The following PPFIBP1 variants were observed in gnomAD, a reference collection of about 807,000 sequenced individuals.
The protein encoded by PPFIBP1 is liprin-beta-1.
Under a neutral mutation model 137.8 loss-of-function variants are expected in PPFIBP1, and 112 were observed. That is an observed-to-expected ratio of 0.81 (90% CI 0.70 to 0.95). The LOEUF (loss-of-function observed/expected upper bound fraction) is 0.95. Among genes scored for constraint, PPFIBP1 ranks in the 40% least tolerant of loss-of-function variants. The pLI, the probability that PPFIBP1 is intolerant of heterozygous loss-of-function variation, is 0.00. For synonymous variants in PPFIBP1, 378 were observed against 417.3 expected (o/e 0.91, Z 1.15); for missense variants, 1,083 against 1,196.6 (o/e 0.91, Z 1.40).
intron 4 of PPFIBP1, chr12:27,636,912 C>A (rs2057718557): frequency 6.6e-6 from 1 of 152,208 alleles, no homozygotes; most frequent in Non-Finnish European, 1.5e-5. Context: ...AGCCTTTGCA[C>A]TGGCTTTTCC....
intron 4 of PPFIBP1, 123 bp downstream of exon 4, chr12:27,635,238 A>G (rs535931609): frequency 3.5e-6 from 3 of 861,380 alleles, no homozygotes; most frequent in Admixed American, 5.2e-5. Flanking sequence ...CGATTTTATT[A>G]CTTAAGATAT....
rs768581036 is a variant in PPFIBP1 at position 27,679,644 on chromosome 12, G to C, written c.1766+5G>C. On this transcript the variant is annotated splice_donor_5th_base_variant and intron_variant, in intron 20 of 29. Coordinates refer to ENST00000228425, the MANE Select transcript of PPFIBP1 (RefSeq NM_003622.4). ...TATCATGAAACTCTTTGGAAAGTAA[G>C]TAAAGCAGTAAACAAGTGGAATGGG... 1 of 1,613,202 alleles carries C rather than the reference G, an allele frequency of 6.2e-7. No homozygotes were observed. Among genetic ancestry groups the C allele is most frequent in the South Asian group, 1.1e-5 (1 of 90,966 alleles).
At chr12:27,692,477 C>G in intron 28 of PPFIBP1, 114 bp from the exon 29 acceptor site, 1 of 941,330 alleles carries the variant, frequency 1.1e-6, no homozygotes. Flanking sequence ...TTCTGTTGCT[C>G]TTACCCCATT....
At chr12:27,633,105 G>C (rs555282180) in intron 2 of PPFIBP1, among the ~76,000 whole-genome samples, 1 of 152,280 alleles carries the variant, frequency 6.6e-6, no homozygotes, top group South Asian at 2.1e-4. Context: ...TAGAGTTCTA[G>C]AGAACAGCAT....
chr12:27,587,778 G>A (rs944981589), intron 2 of PPFIBP1, among the ~76,000 whole-genome samples: 1 of 151,878 alleles, frequency 6.6e-6, no homozygotes, highest in African/African-American at 2.4e-5. Context: ...CTACTTGAAA[G>A]TAAGTTGCAG....
chr12:27,675,471 G>A (rs2060461035), intron 17 of PPFIBP1, among the ~76,000 whole-genome samples: 1 of 151,980 alleles, frequency 6.6e-6, no homozygotes, highest in South Asian at 2.1e-4. Flanking sequence ...CTCTGCTTCT[G>A]TAAAAAAAGA....
At chr12:27,585,883 A>C (rs1201811553) in intron 2 of PPFIBP1, among the ~76,000 whole-genome samples, 4 of 152,224 alleles carry the variant, frequency 2.6e-5, no homozygotes, top group African/African-American at 7.2e-5. Flanking sequence ...AACAAGTAAC[A>C]TAAAGGTTCT....
intron 2 of PPFIBP1, 67 bp from the exon 3 acceptor site, chr12:27,633,295 G>A: frequency 9.4e-7 from 1 of 1,067,712 alleles, no homozygotes; most frequent in South Asian, 1.4e-5. Context: ...ATTTGAAGGT[G>A]AATTAGAAAC....
intron 11 of PPFIBP1, among the ~76,000 whole-genome samples, chr12:27,662,101 C>T (rs550726994): frequency 1.3e-5 from 2 of 152,232 alleles, no homozygotes; most frequent in African/African-American, 4.8e-5. Flanking sequence ...ATAACTTCCT[C>T]GTGGGGTCGG....
chr12:27,533,710 A>C (rs1312546122), intron 1 of PPFIBP1, among the ~76,000 whole-genome samples: 1 of 152,246 alleles, frequency 6.6e-6, no homozygotes, highest in Non-Finnish European at 1.5e-5. Flanking sequence ...TGTTATGTAA[A>C]GAGTGAGAAT....
intron 8 of PPFIBP1, among the ~76,000 whole-genome samples, chr12:27,656,084 T>A (rs557846673): frequency 7.2e-5 from 11 of 152,232 alleles, no homozygotes; most frequent in Non-Finnish European, 1.6e-4. Flanking sequence ...CCTTTTGTCT[T>A]AGTGATGAGG....
At chr12:27,657,497 G>A (rs1220629582) in intron 9 of PPFIBP1, among the ~76,000 whole-genome samples, 1 of 150,732 alleles carries the variant, frequency 6.6e-6, no homozygotes, top group African/African-American at 2.4e-5. Context: ...ATTCAAAACA[G>A]TACAAATTCC....
At position 27,693,190 on chromosome 12, in the gene PPFIBP1, T is replaced by A; in HGVS notation, c.*308T>A. On this transcript the variant is annotated 3_prime_UTR_variant, in exon 30 of 30. Coordinates refer to ENST00000228425, the MANE Select transcript of PPFIBP1 (RefSeq NM_003622.4). The stretch of plus-strand genomic sequence containing the variant: ...AGAGTGTTTCCATTCATATCCGCGG[T>A]ATGGAGGATTTGAGGAACAGTAACC... The A allele has an allele frequency of 4.6e-6, 1 of 218,818 alleles. No individual in the cohort carries two copies. The highest frequency in any genetic ancestry group is 9.1e-6 in the Non-Finnish European group (1 of 110,180). The allele number at this position is 218,818 out of a possible 1,614,324, so 13.6% of individuals were successfully genotyped here.
intron 2 of PPFIBP1, among the ~76,000 whole-genome samples, chr12:27,630,996 G>C (rs2057226511): frequency 1.3e-5 from 2 of 152,020 alleles, no homozygotes; most frequent in African/African-American, 2.4e-5. Context: ...TAGGAGCCCA[G>C]GAATTCAAGA....
intron 2 of PPFIBP1, among the ~76,000 whole-genome samples, chr12:27,617,297 G>A (rs1323895312): frequency 6.6e-6 from 1 of 152,118 alleles, no homozygotes; most frequent in Non-Finnish European, 1.5e-5. Context: ...TTAAAAATAA[G>A]GCAGATGCTG....
intron 2 of PPFIBP1, among the ~76,000 whole-genome samples, chr12:27,623,085 AT>A (rs1333584576): frequency 6.6e-6 from 1 of 152,162 alleles, no homozygotes; most frequent in Non-Finnish European, 1.5e-5. Context: ...GAAGCAGTCC[AT>A]GTAGCCTGCA....
chr12:27,670,308 T>G (rs11049089), intron 13 of PPFIBP1, among the ~76,000 whole-genome samples: 6,299 of 152,310 alleles, frequency 0.041, 280 homozygotes, highest in African/African-American at 0.1. Flanking sequence ...TGTAATATTA[T>G]TATTATCATT....
intron 1 of PPFIBP1, among the ~76,000 whole-genome samples, chr12:27,539,212 G>A (rs888848307): frequency 1.3e-5 from 2 of 152,312 alleles, no homozygotes; most frequent in Middle Eastern, 3.4e-3. Context: ...AACACCAAAA[G>A]GCTTAATTTC....
chr12:27,595,065 T>C (rs2053030460), intron 2 of PPFIBP1, among the ~76,000 whole-genome samples: 2 of 152,236 alleles, frequency 1.3e-5, no homozygotes, highest in African/African-American at 2.4e-5. Flanking sequence ...GTAGGATTAA[T>C]GGACCAAACA....
Sources: allele counts gnomAD v4.1 joint callset (sites outside exome capture counted in the v4.1 genomes callset), GRCh38; gene constraint gnomAD v4.1.1; transcripts MANE v1.5; gene names NCBI Gene and HGNC (gene_info 2026-07-23, HGNC 2026-07-21).